Variants in ALDH2 observed in about 807,000 individuals in gnomAD.
The protein encoded by ALDH2 is aldehyde dehydrogenase, mitochondrial.
In ALDH2, 44 loss-of-function variants were observed where a neutral mutation model predicts 59.6. That is an observed-to-expected ratio of 0.74 (90% CI 0.58 to 0.95). ALDH2 has a LOEUF of 0.95. Among genes scored for constraint, ALDH2 ranks in the 40% least tolerant of loss-of-function variants. ALDH2 has a pLI of 0.00. For synonymous variants in ALDH2, 291 were observed against 284.0 expected (o/e 1.02, Z -0.25); for missense variants, 570 against 696.3 (o/e 0.82, Z 2.04).
intron 7 of ALDH2, 147 bp downstream of exon 7, chr12:111,791,566 G>A: frequency 9.3e-6 from 6 of 648,168 alleles, no homozygotes; most frequent in South Asian, 7.4e-5. Flanking sequence ...GAGGGGTGGG[G>A]CAGGGTTGAG....
chr12:111,785,219 CCT>C (rs1227909599), intron 3 of ALDH2, 46 bp from the exon 4 acceptor site: 2 of 1,494,240 alleles, frequency 1.3e-6, no homozygotes, highest in Non-Finnish European at 1.9e-6. Flanking sequence ...CCTTTGTTTT[CCT>C]CTCATTCCTG....
At position 111,816,917 on chromosome 12, in the gene ALDH2, C is replaced by CA. The variant is rs2068573000; in HGVS notation, c.*7345dup. 2 of 152,168 alleles carry CA rather than the reference C, an allele frequency of 1.3e-5. No individual in the cohort carries two copies. The highest frequency in any genetic ancestry group is 2.9e-5 in the Non-Finnish European group (2 of 68,044). 9.4% of individuals were successfully genotyped at this position (152,168 alleles called of 1,614,324 possible). On this transcript the variant is annotated 3_prime_UTR_variant, in exon 13 of 13. Coordinates refer to ENST00000261733, the MANE Select transcript of ALDH2 (RefSeq NM_000690.4). ...TGATGTTGGATGTGCAAGCTCCCTG[C>CA]AAATGGGCTTTCACAAGGTCCCATG... is the stretch of plus-strand genomic sequence containing the variant.
chr12:111,771,045 G>T (rs1257912261), intron 1 of ALDH2, among the ~76,000 whole-genome samples: 2 of 151,982 alleles, frequency 1.3e-5, no homozygotes, highest in East Asian at 1.9e-4. Context: ...CTCCCAAAGT[G>T]CTGGGATTAC....
intron 4 of ALDH2, among the ~76,000 whole-genome samples, chr12:111,788,683 C>A (rs1415029355): frequency 2.0e-5 from 3 of 152,128 alleles, no homozygotes; most frequent in East Asian, 3.8e-4. Context: ...TAGCTTTCTT[C>A]CAGGGTCACA....
intron 1 of ALDH2, among the ~76,000 whole-genome samples, chr12:111,778,123 C>G (rs1328335193): frequency 6.6e-6 from 1 of 152,164 alleles, no homozygotes; most frequent in Non-Finnish European, 1.5e-5. Flanking sequence ...CCATGCTTGG[C>G]GCAGAGACTG....
intron 1 of ALDH2, among the ~76,000 whole-genome samples, chr12:111,774,692 A>T (rs2068222826): frequency 6.6e-6 from 1 of 152,116 alleles, no homozygotes; most frequent in East Asian, 1.9e-4. Flanking sequence ...CCCTGGGCAG[A>T]TGATAACCAC....
intron 9 of ALDH2, among the ~76,000 whole-genome samples, chr12:111,793,801 G>T (rs1045168050): frequency 1.3e-5 from 2 of 151,764 alleles, no homozygotes; most frequent in Admixed American, 6.6e-5. Context: ...GCCCAGGCTG[G>T]TCTCGAACTC....
At chr12:111,795,895 A>G (rs1357494838) in intron 9 of ALDH2, among the ~76,000 whole-genome samples, 1 of 151,972 alleles carries the variant, frequency 6.6e-6, no homozygotes, top group African/African-American at 2.4e-5. Flanking sequence ...CCGTCCTAAC[A>G]TTTCTTTTTG....
intron 1 of ALDH2, among the ~76,000 whole-genome samples, chr12:111,780,439 T>G (rs1288206013): frequency 1.3e-5 from 2 of 152,190 alleles, no homozygotes; most frequent in Non-Finnish European, 2.9e-5. Flanking sequence ...CACCTTTGCT[T>G]TTTCTCAAAT....
intron 10 of ALDH2, 136 bp from the exon 11 acceptor site, chr12:111,799,770 T>C: frequency 1.7e-5 from 19 of 1,086,758 alleles, no homozygotes; most frequent in Non-Finnish European, 2.4e-5. Context: ...TTGATGGCTG[T>C]TGTCTTCCCC....
intron 1 of ALDH2, among the ~76,000 whole-genome samples, chr12:111,776,129 G>C (rs1465580276): frequency 6.6e-6 from 1 of 152,190 alleles, no homozygotes. Flanking sequence ...AGGAAGGGGT[G>C]GGGCTGGTGG....
rs59847103 is a variant in ALDH2, at chr12:111,811,182, C to CAA, written c.*1623_*1624dup. On this transcript the variant is annotated 3_prime_UTR_variant, in exon 13 of 13. Transcript: ENST00000261733. ...AGAAACCCCATCTCTACTGAAAATA[C>CAA]AAAAAAAAAAAAAAAAACTAGCCGG... 42 of 75,580 alleles carry CAA rather than the reference C, an allele frequency of 5.6e-4. No homozygotes were observed. The highest frequency in any genetic ancestry group is 2.8e-3 in the East Asian group (11 of 3,946). The allele number at this position is 75,580 out of a possible 1,614,324, so 4.7% of individuals were successfully genotyped here.
intron 1 of ALDH2, among the ~76,000 whole-genome samples, chr12:111,768,457 T>C (rs190383046): frequency 9.2e-5 from 14 of 152,330 alleles, no homozygotes; most frequent in African/African-American, 3.1e-4. Context: ...AAATAAAATC[T>C]TTTGCATAAC....
At chr12:111,809,465 TAGTC>T (rs751133650) in intron 12 of ALDH2, 74 bp from the exon 13 acceptor site, 72 of 1,511,140 alleles carry the variant, frequency 4.8e-5, no homozygotes, top group Non-Finnish European at 5.5e-5. Flanking sequence ...TGCTCACACT[TAGTC>T]AGCTCCTAGC....
At chr12:111,785,639 T>G (rs576040981) in intron 4 of ALDH2, among the ~76,000 whole-genome samples, 100 of 152,112 alleles carry the variant, frequency 6.6e-4, no homozygotes, top group Admixed American at 1.2e-3. Flanking sequence ...TAGAAGAATC[T>G]CTTGATCCCT....
At chr12:111,801,386 G>C (rs1221057902) in intron 11 of ALDH2, among the ~76,000 whole-genome samples, 1 of 152,156 alleles carries the variant, frequency 6.6e-6, no homozygotes, top group South Asian at 2.1e-4. Flanking sequence ...GATTAATCTT[G>C]AACATAACAT....
At position 111,770,843 on chromosome 12, in the gene ALDH2, C is replaced by T. The variant is rs1321960815; in HGVS notation, c.114+3747C>T. ...TGTATTCTTAGTAGAGATGAGGTTT[C>T]GCCATGTTGGCCAGGCTGGCTGGTC... On this transcript the variant is annotated intron_variant, in intron 1 of 12. Transcript: ENST00000261733. Among the ~76,000 whole-genome samples the T allele has an allele frequency of 3.9e-5, 6 of 152,164 alleles. 1 individual carries two copies. The South Asian group carries it at 6.2e-4, about 16-fold the overall frequency.
intron 4 of ALDH2, among the ~76,000 whole-genome samples, chr12:111,789,024 T>C (rs1456715347): frequency 6.8e-6 from 1 of 147,362 alleles, no homozygotes. Context: ...TTTCTTTTTT[T>C]TTTTTTTTTT....
In ALDH2 at chr12:111,804,117, TG is replaced by T. The variant is rs2068474966; in HGVS notation, c.1521+146del. ...GACCTGCCGGGGACTCAGGGCCTGC[TG>T]GAAGTTCAGGACCTGCTGGGGATCA... On this transcript the variant is annotated intron_variant, in intron 12 of 12. Transcript: ENST00000261733. The T allele has an allele frequency of 4.8e-5, 26 of 538,296 alleles. No individual in the cohort carries two copies. The South Asian group carries it at 5.8e-4, about 12-fold the overall frequency. 33.3% of individuals were successfully genotyped at this position (538,296 alleles called of 1,614,324 possible).
Sources: gnomAD v4.1 joint callset for allele counts (sites outside exome capture counted in the v4.1 genomes callset) on GRCh38, gnomAD v4.1.1 for gene constraint, MANE v1.5 for transcripts, NCBI Gene and HGNC (gene_info 2026-07-23, HGNC 2026-07-21) for gene names.